The following REEP5 variants were observed in gnomAD, a reference collection of about 807,000 sequenced individuals.
The protein encoded by REEP5 is receptor expression-enhancing protein 5.
Under a neutral mutation model 22.4 loss-of-function variants are expected in REEP5, and 24 were observed. The ratio of observed to expected loss-of-function variants is 1.07; its 90% CI spans 0.78 to 1.51. The LOEUF is 1.51. REEP5 is among the 40% of genes most tolerant of loss of function. The pLI is 0.00. For missense variants in REEP5, 252 were observed against 233.0 expected (o/e 1.08, Z -0.53); for synonymous variants, 103 against 88.6 (o/e 1.16, Z -0.92).
intron 3 of REEP5, chr5:112,894,314 T>C (rs1247351878): frequency 6.6e-6 from 1 of 152,246 alleles, no homozygotes; most frequent in Admixed American, 6.6e-5. Context: ...GAGACAGGGT[T>C]TCACCATGTT....
intron 4 of REEP5, among the ~76,000 whole-genome samples, chr5:112,879,478 C>T (rs1768003421): frequency 1.3e-5 from 2 of 152,032 alleles, no homozygotes; most frequent in Admixed American, 1.3e-4. Context: ...TATTTATTTA[C>T]TTATTTATTT....
Position 112,922,063 on chromosome 5 carries a change from G to C in REEP5, c.118+10C>G, listed in dbSNP as rs1023180697. 1.9e-6 allele frequency: 3 copies of C among 1,582,434 alleles called. No homozygotes were observed. ...GGCCCTACCAGCGGCGGCGACCCCC[G>C]GCCACCCACCAAGAGCGATGAAGCT... On this transcript the variant is annotated intron_variant, in intron 1 of 4. Transcript: ENST00000379638.
rs1248211793 is a variant in REEP5 at position 112,877,267 on chromosome 5, A to G, written c.*1519T>C. ...CATCATGAGACATTGTTATGATCTTACCTGATTGTTATCTCAAGGTGAGCT... is the reference window on the plus strand; with the variant it reads ...CATCATGAGACATTGTTATGATCTTGCCTGATTGTTATCTCAAGGTGAGCT... On this transcript the variant is annotated 3_prime_UTR_variant, in exon 5 of 5. Coordinates refer to ENST00000379638, the MANE Select transcript of REEP5 (RefSeq NM_005669.5). The G allele has an allele frequency of 6.6e-6, 1 of 152,152 alleles. No homozygotes were observed. Among genetic ancestry groups the G allele is most frequent in the Non-Finnish European group, 1.5e-5 (1 of 68,012 alleles). 9.4% of individuals were successfully genotyped at this position (152,152 alleles called of 1,614,324 possible).
At chr5:112,902,229 T>C in intron 3 of REEP5, 151 bp downstream of exon 3, 1 of 822,960 alleles carries the variant, frequency 1.2e-6, no homozygotes, top group Non-Finnish European at 1.7e-6. Context: ...TTTTTGTTTT[T>C]TTTGAGACAG....
chr5:112,882,948 G>C (rs1330572278), intron 4 of REEP5, among the ~76,000 whole-genome samples: 1 of 152,100 alleles, frequency 6.6e-6, no homozygotes, highest in Non-Finnish European at 1.5e-5. Flanking sequence ...CATAAAACCT[G>C]ATTTCCCTGC....
At chr5:112,882,629 C>T (rs1768115768) in intron 4 of REEP5, among the ~76,000 whole-genome samples, 1 of 152,200 alleles carries the variant, frequency 6.6e-6, no homozygotes, top group Admixed American at 6.5e-5. Flanking sequence ...CTCCAACTGT[C>T]CTAGAGGGGC....
rs1241934896 is a variant in REEP5 at position 112,877,452 on chromosome 5, G to A, written c.*1334C>T. On this transcript the variant is annotated 3_prime_UTR_variant, in exon 5 of 5. Coordinates refer to ENST00000379638, the MANE Select transcript of REEP5 (RefSeq NM_005669.5). ...GTCCAGACAAATTGCTCTCTATAAC[G>A]ATTTGGCAGATCAATGGAGACATCC... The A allele has an allele frequency of 2.0e-5, 3 of 152,096 alleles. No homozygotes were observed. The highest frequency in any genetic ancestry group is 4.8e-5 in the African/African-American group (2 of 41,408). 9.4% of individuals were successfully genotyped at this position (152,096 alleles called of 1,614,324 possible).
chr5:112,890,643 GCTGGGATTAC>G (rs2150038450), intron 3 of REEP5, among the ~76,000 whole-genome samples: 1 of 150,630 alleles, frequency 6.6e-6, no homozygotes, highest in Admixed American at 6.6e-5. Flanking sequence ...CTCCTAAAGT[GCTGGGATTAC>G]AGGTGTGAGC....
At chr5:112,904,552 T>C (rs1768914016) in intron 2 of REEP5, among the ~76,000 whole-genome samples, 2 of 152,200 alleles carry the variant, frequency 1.3e-5, no homozygotes, top group Non-Finnish European at 2.9e-5. Flanking sequence ...TAAACAGTCT[T>C]TTCTAGAATA....
chr5:112,909,194 G>T (rs985176776), intron 2 of REEP5, among the ~76,000 whole-genome samples: 6 of 145,656 alleles, frequency 4.1e-5, no homozygotes, highest in African/African-American at 1.5e-4. Flanking sequence ...TATGACCCTG[G>T]GCAAGTTATC....
intron 2 of REEP5, among the ~76,000 whole-genome samples, chr5:112,920,210 AACATGTTTCTTCCCTTATAGTCATAG>A (rs1396613813): frequency 6.6e-6 from 1 of 152,214 alleles, no homozygotes; most frequent in African/African-American, 2.4e-5. Flanking sequence ...TAACTTCTAA[AACATGTTTCTTCCCTTATAGTCATAG>A]ACTAAATTCT....
intron 2 of REEP5, among the ~76,000 whole-genome samples, chr5:112,903,725 T>C (rs888359976): frequency 6.6e-6 from 1 of 152,240 alleles, no homozygotes; most frequent in African/African-American, 2.4e-5. Context: ...GTGTGAGTTT[T>C]AGAAAATAAC....
At chr5:112,901,768 T>C (rs778904891) in intron 3 of REEP5, among the ~76,000 whole-genome samples, 1 of 146,710 alleles carries the variant, frequency 6.8e-6, no homozygotes, top group East Asian at 2.0e-4. Flanking sequence ...TACAAATAAA[T>C]AGATTTTTAA....
At chr5:112,902,160 G>A (rs558033802) in intron 3 of REEP5, among the ~76,000 whole-genome samples, 1 of 151,930 alleles carries the variant, frequency 6.6e-6, no homozygotes, top group South Asian at 2.1e-4. Flanking sequence ...AGTGGTGTGC[G>A]CCTATGGTCC....
At chr5:112,885,139 T>G (rs1282306879) in intron 4 of REEP5, 2 of 167,810 alleles carry the variant, frequency 1.2e-5, no homozygotes, top group Non-Finnish European at 2.6e-5. Flanking sequence ...GCTACAGCCT[T>G]GGCCAGCTAG....
chr5:112,887,671 G>A (rs1324041626), intron 3 of REEP5, among the ~76,000 whole-genome samples: 2 of 152,072 alleles, frequency 1.3e-5, no homozygotes, highest in African/African-American at 2.4e-5. Flanking sequence ...TTCCTTTGGT[G>A]GACCTCAGTT....
intron 3 of REEP5, chr5:112,892,664 A>T: frequency 6.2e-7 from 1 of 1,614,124 alleles, no homozygotes; most frequent in Non-Finnish European, 8.5e-7. Context: ...AATCCCAACA[A>T]TGAATTCTGG....
intron 2 of REEP5, among the ~76,000 whole-genome samples, chr5:112,913,908 A>T (rs1372337586): frequency 1.4e-5 from 2 of 138,612 alleles, no homozygotes; most frequent in African/African-American, 5.4e-5. Context: ...TCAAAACTGA[A>T]TGTGTGTGTG....
At chr5:112,905,618 AGATTGATT>A (rs143762090) in intron 2 of REEP5, among the ~76,000 whole-genome samples, 3 of 148,258 alleles carry the variant, frequency 2.0e-5, no homozygotes, top group Non-Finnish European at 3.0e-5. Flanking sequence ...CTTTTTAAAA[AGATTGATT>A]GATTGATTGA....
Sources: gnomAD v4.1 joint callset for allele counts (sites outside exome capture counted in the v4.1 genomes callset) on GRCh38, gnomAD v4.1.1 for gene constraint, MANE v1.5 for transcripts, NCBI Gene and HGNC (gene_info 2026-07-23, HGNC 2026-07-21) for gene names.